GRID1: variants seen among roughly 807,000 people sequenced by gnomAD.
GRID1 encodes the protein glutamate receptor ionotropic, delta-1.
A neutral mutation model predicts 98.0 loss-of-function variants in GRID1; 28 were observed. That is an observed-to-expected ratio of 0.29 (90% CI 0.21 to 0.39). GRID1 has a LOEUF of 0.39. Among genes scored for constraint, GRID1 ranks in the 10% least tolerant of loss-of-function variants. GRID1 has a pLI of 1.00. For missense variants in GRID1, 1,111 were observed against 1,340.5 expected, an observed-to-expected ratio of 0.83 and a Z score of 2.67; for synonymous variants, 553 against 538.5, an observed-to-expected ratio of 1.03 and a Z score of -0.37.
chr10:85,850,561 T>C (rs1391182955), intron 8 of GRID1, among the ~76,000 whole-genome samples: 6 of 152,172 alleles, frequency 3.9e-5, no homozygotes, highest in Non-Finnish European at 8.8e-5. Context: ...AGAGGGAGCC[T>C]CCCATCTCTG....
rs570061956 is a variant in GRID1 at position 85,904,326 on chromosome 10, T to C, written c.780+11860A>G. 2.6e-5 allele frequency among the ~76,000 whole-genome samples: 4 copies of C among 152,310 alleles called. No homozygotes were observed. In the South Asian group the frequency reaches 8.3e-4, roughly 32 times the overall value. ...TCAAGACAGGAAACAAGGTGAGTTTTATGACTGAACTAAATCTCTGCCTTT... is the reference window on the plus strand; with the variant it reads ...TCAAGACAGGAAACAAGGTGAGTTTCATGACTGAACTAAATCTCTGCCTTT... On this transcript the variant is annotated intron_variant, in intron 5 of 15. Transcript: ENST00000327946.
chr10:85,619,717 G>T, intron 14 of GRID1, 150 bp downstream of exon 14: 1 of 639,592 alleles, frequency 1.6e-6, no homozygotes, highest in Non-Finnish European at 2.7e-6. Context: ...GAGGGTAGGG[G>T]AGGAGGAAGC....
chr10:86,267,164 TGA>T (rs1293139086), intron 2 of GRID1, among the ~76,000 whole-genome samples: 2 of 152,240 alleles, frequency 1.3e-5, no homozygotes, highest in Non-Finnish European at 2.9e-5. Context: ...TGTTACCTCA[TGA>T]AATATCTCAG....
At chr10:86,280,794 CCT>C (rs1044153629) in intron 2 of GRID1, among the ~76,000 whole-genome samples, 10 of 152,172 alleles carry the variant, frequency 6.6e-5, no homozygotes, top group South Asian at 4.1e-4. Context: ...TATAGTTTCC[CCT>C]GTCAGTGCAT....
At chr10:85,701,387 A>G (rs901664761) in intron 12 of GRID1, among the ~76,000 whole-genome samples, 3 of 152,174 alleles carry the variant, frequency 2.0e-5, no homozygotes, top group African/African-American at 7.2e-5. Flanking sequence ...CCAAGAAAAA[A>G]AAAAGGTTAC....
chr10:86,266,170 C>A (rs1847099820), intron 2 of GRID1, among the ~76,000 whole-genome samples: 2 of 152,116 alleles, frequency 1.3e-5, no homozygotes, highest in Admixed American at 1.3e-4. Flanking sequence ...CACCTCCCAC[C>A]TCATCAGTGA....
chr10:85,754,500 T>C (rs1432775802), intron 8 of GRID1, among the ~76,000 whole-genome samples: 4 of 152,130 alleles, frequency 2.6e-5, no homozygotes, highest in Non-Finnish European at 4.4e-5. Context: ...CATATGAGAC[T>C]AGGGAAAGGT....
chr10:86,028,178 T>G (rs2131891031), intron 4 of GRID1, among the ~76,000 whole-genome samples: 1 of 152,294 alleles, frequency 6.6e-6, no homozygotes, highest in East Asian at 1.9e-4. Flanking sequence ...TGACAAATAA[T>G]TATGAGCAAG....
chr10:85,765,752 C>T (rs4338469), intron 8 of GRID1, among the ~76,000 whole-genome samples: 26 of 152,256 alleles, frequency 1.7e-4, no homozygotes, highest in African/African-American at 5.5e-4. Flanking sequence ...CCAAGCATTT[C>T]GGATAAAGAA....
At chr10:86,155,261 T>C (rs1845228365) in intron 3 of GRID1, among the ~76,000 whole-genome samples, 1 of 152,240 alleles carries the variant, frequency 6.6e-6, no homozygotes, top group African/African-American at 2.4e-5. Context: ...CTGCAGCCAA[T>C]AGCTGGTGAT....
chr10:86,063,443 A>G (rs1235735990), intron 4 of GRID1, among the ~76,000 whole-genome samples: 2 of 152,208 alleles, frequency 1.3e-5, no homozygotes, highest in Non-Finnish European at 2.9e-5. Flanking sequence ...CAATAACTAC[A>G]GTGCCCAGAC....
At chr10:85,623,471 A>G (rs980887268) in intron 13 of GRID1, among the ~76,000 whole-genome samples, 1 of 152,154 alleles carries the variant, frequency 6.6e-6, no homozygotes, top group East Asian at 1.9e-4. Context: ...CGTGGCCCCA[A>G]ATAATGATGA....
At chr10:85,756,032 T>C (rs1842094665) in intron 8 of GRID1, among the ~76,000 whole-genome samples, 1 of 152,056 alleles carries the variant, frequency 6.6e-6, no homozygotes. Flanking sequence ...CCACATGCAA[T>C]AGTCCTCCCT....
At chr10:86,049,099 A>C (rs1039470108) in intron 4 of GRID1, among the ~76,000 whole-genome samples, 1 of 152,232 alleles carries the variant, frequency 6.6e-6, no homozygotes, top group Non-Finnish European at 1.5e-5. Flanking sequence ...GAAGTTAAGC[A>C]ACTTGGTACT....
At chr10:85,820,735 A>T (rs1313806829) in intron 8 of GRID1, among the ~76,000 whole-genome samples, 1 of 152,196 alleles carries the variant, frequency 6.6e-6, no homozygotes, top group East Asian at 1.9e-4. Context: ...ACCATTTATA[A>T]TGGCTAAAAA....
chr10:86,040,221 G>T (rs904017013), intron 4 of GRID1, among the ~76,000 whole-genome samples: 1 of 152,098 alleles, frequency 6.6e-6, no homozygotes, highest in South Asian at 2.1e-4. Flanking sequence ...TCTACTGTAT[G>T]ACCCAGCAAT....
intron 8 of GRID1, among the ~76,000 whole-genome samples, chr10:85,815,842 A>G (rs1232639566): frequency 6.6e-6 from 1 of 152,050 alleles, no homozygotes; most frequent in Non-Finnish European, 1.5e-5. Context: ...TTCTATTAAG[A>G]ATACATCTAT....
At chr10:86,159,600 T>A in intron 3 of GRID1, among the ~76,000 whole-genome samples, 1 of 152,204 alleles carries the variant, frequency 6.6e-6, no homozygotes, top group East Asian at 1.9e-4. Context: ...GCACTTCTCA[T>A]TAAGCAATGC....
chr10:86,176,705 TCTC>T (rs1202689822), intron 3 of GRID1, among the ~76,000 whole-genome samples: 4 of 152,176 alleles, frequency 2.6e-5, no homozygotes, highest in Non-Finnish European at 5.9e-5. Flanking sequence ...TATTCCCAAG[TCTC>T]CTCTGGTGAC....
Sources: allele counts gnomAD v4.1 joint callset (sites outside exome capture counted in the v4.1 genomes callset), GRCh38; gene constraint gnomAD v4.1.1; transcripts MANE v1.5; gene names NCBI Gene and HGNC (gene_info 2026-07-23, HGNC 2026-07-21).